The following LMO3 variants were observed in gnomAD, a reference collection of about 807,000 sequenced individuals.
LMO3 encodes the protein LIM domain only 3.
Under a neutral mutation model 15.8 loss-of-function variants are expected in LMO3, and 2 were observed. That is an observed-to-expected ratio of 0.13 (90% CI 0.05 to 0.40). The LOEUF is 0.40. Ranked by LOEUF, LMO3 falls within the 10% of genes least tolerant of loss-of-function variation. The pLI, the probability that LMO3 is intolerant of heterozygous loss-of-function variation, is 0.99. For synonymous variants in LMO3, 62 were observed against 63.8 expected (o/e 0.97, Z 0.13); for missense variants, 86 against 182.2 (o/e 0.47, Z 3.04).
intron 2 of LMO3, among the ~76,000 whole-genome samples, chr12:16,570,987 A>G (rs1173095703): frequency 6.6e-6 from 1 of 152,152 alleles, no homozygotes; most frequent in Admixed American, 6.5e-5. Context: ...TACATATGTA[A>G]CTAACCTGCA....
At chr12:16,556,244 T>A (rs1942184766) in intron 3 of LMO3, among the ~76,000 whole-genome samples, 2 of 152,112 alleles carry the variant, frequency 1.3e-5, no homozygotes, top group African/African-American at 4.8e-5. Flanking sequence ...CTTATTCACC[T>A]TTAAGAAATT....
In LMO3 at chr12:16,604,699, C is replaced by G; in HGVS notation, c.-9+1367G>C. On this transcript the variant is annotated intron_variant, in intron 1 of 3. Transcript: ENST00000537304. The surrounding 1 kb of genome is among the most constrained non-coding windows in gnomAD (Gnocchi z 5.3). ...AAGAATGTAGCAGTATTTGTTGCAT[C>G]TAGCAAGATTAATTGGTTTAAGCAG... The G allele has an allele frequency of 2.8e-6, 2 of 716,786 alleles. No homozygotes were observed. The highest frequency in any genetic ancestry group is 4.6e-6 in the Non-Finnish European group (2 of 430,678). The allele number at this position is 716,786 out of a possible 1,614,324, so 44.4% of individuals were successfully genotyped here.
rs1477262368 is a variant in LMO3 at position 16,582,829 on chromosome 12, C to T, written c.206+17826G>A. Among the ~76,000 whole-genome samples the T allele has an allele frequency of 1.2e-4, 19 of 152,118 alleles. No individual in the cohort carries two copies. Among genetic ancestry groups the T allele is most frequent in the Admixed American group, 1.2e-3 (19 of 15,268 alleles). On this transcript the variant is annotated intron_variant, in intron 2 of 3. Coordinates refer to ENST00000537304, the MANE Select transcript of LMO3 (RefSeq NM_018640.5). The surrounding 1 kb of genome is among the most constrained non-coding windows in gnomAD (Gnocchi z 4.1). ...TTGGGAGGCCAAATTGAGTGGATCA[C>T]CTGAGGTCAGGAGTTCGAGACCAGC...
chr12:16,582,543 T>C lies in LMO3; in HGVS notation c.206+18112A>G, dbSNP rs1378235668. ...CTGTGTAACACTTAATTGTGGATAC[T>C]ATGGAAGTGGCTAGATATACATTGC... On this transcript the variant is annotated intron_variant, in intron 2 of 3. Transcript: ENST00000537304. This position sits in a 1 kb window ranked among gnomAD's most constrained non-coding sequence, Gnocchi z 4.1. Among the ~76,000 whole-genome samples, 1 of 152,196 alleles carries C rather than the reference T, an allele frequency of 6.6e-6. No homozygotes were observed. Among genetic ancestry groups the C allele is most frequent in the African/African-American group, 2.4e-5 (1 of 41,448 alleles).
Position 16,603,607 on chromosome 12 carries a change from T to C in LMO3, c.-9+2459A>G, listed in dbSNP as rs1943895375. Among the ~76,000 whole-genome samples the C allele has an allele frequency of 1.3e-5, 2 of 152,182 alleles. No homozygotes were observed. Among genetic ancestry groups the C allele is most frequent in the Admixed American group, 6.5e-5 (1 of 15,280 alleles). On this transcript the variant is annotated intron_variant, in intron 1 of 3. Transcript: ENST00000537304. This position sits in a 1 kb window ranked among gnomAD's most constrained non-coding sequence, Gnocchi z 4.9. ...TTATTTGACAGTTTAAGGGAAATCA[T>C]AATTAAAAAAAAGACATAAATAATA...
At chr12:16,602,323 A>G (rs1379435324) in intron 1 of LMO3, 1 of 71,344 alleles carries the variant, frequency 1.4e-5, no homozygotes, top group Non-Finnish European at 5.6e-5. Flanking sequence ...CAACTTTCAC[A>G]ACCTTTTAAA....
intron 2 of LMO3, chr12:16,594,101 G>A (rs770907496): frequency 1.6e-5 from 25 of 1,526,926 alleles, no homozygotes; most frequent in Admixed American, 5.9e-5. Context: ...ATTAGCTGGC[G>A]TCAGGTGTTT....
In LMO3 at chr12:16,559,428, A is replaced by C. The variant is rs2137321928; in HGVS notation, c.332+985T>G. On this transcript the variant is annotated intron_variant, in intron 3 of 3. Transcript: ENST00000537304. This position sits in a 1 kb window ranked among gnomAD's most constrained non-coding sequence, Gnocchi z 4.1. ...CAGCTTCATATGTTACAAATGAAAA[A>C]CCTGAGGTCCAGAGAGGGAAGGTGT... Among the ~76,000 whole-genome samples the C allele has an allele frequency of 6.6e-6, 1 of 151,506 alleles. No individual in the cohort carries two copies. The highest frequency in any genetic ancestry group is 2.1e-4 in the South Asian group (1 of 4,818).
rs1051037345 is a variant in LMO3, at chr12:16,596,630, C to A, written c.206+4025G>T. 6.6e-6 allele frequency among the ~76,000 whole-genome samples: 1 copy of A among 151,602 alleles called. No homozygotes were observed. The highest frequency in any genetic ancestry group is 1.5e-5 in the Non-Finnish European group (1 of 67,664). On this transcript the variant is annotated intron_variant, in intron 2 of 3. Coordinates refer to ENST00000537304, the MANE Select transcript of LMO3 (RefSeq NM_018640.5). This position sits in a 1 kb window ranked among gnomAD's most constrained non-coding sequence, Gnocchi z 4.3. ...AAAAGAAAGTATTTTGGTATTTCTC[C>A]TAGTTCTATTTAATGCTTGCTGCAA...
At position 16,550,200 on chromosome 12, in the gene LMO3, A is replaced by G. The variant is rs1304788189; in HGVS notation, c.*1022T>C. The G allele has an allele frequency of 2.0e-5, 3 of 152,296 alleles. No homozygotes were observed. The highest frequency in any genetic ancestry group is 1.9e-4 in the East Asian group (1 of 5,178). The allele number at this position is 152,296 out of a possible 1,614,324, so 9.4% of individuals were successfully genotyped here. A position where few individuals can be genotyped will look rare whatever the true frequency, so the allele number is the denominator to read the frequency against. On this transcript the variant is annotated 3_prime_UTR_variant, in exon 4 of 4. Coordinates refer to ENST00000537304, the MANE Select transcript of LMO3 (RefSeq NM_018640.5). ...AGTGATTTCAGTAGATTCACACTCA[A>G]ATCTTTTCAGTGTCATACATTTATT...
In LMO3 at chr12:16,604,786, C is replaced by T. The variant is rs1372102041; in HGVS notation, c.-9+1280G>A. 9.5e-6 allele frequency: 14 copies of T among 1,466,950 alleles called. No individual in the cohort carries two copies. The highest frequency in any genetic ancestry group is 1.4e-5 in the African/African-American group (1 of 71,956). The allele number at this position is 1,466,950 out of a possible 1,614,324, so 90.9% of individuals were successfully genotyped here. On this transcript the variant is annotated intron_variant, in intron 1 of 3. Coordinates refer to ENST00000537304, the MANE Select transcript of LMO3 (RefSeq NM_018640.5). The surrounding 1 kb of genome is among the most constrained non-coding windows in gnomAD (Gnocchi z 5.3). ...TTCTTTCAGAAAGACACAAAAGCAG[C>T]GGAAAAGCAGAAAGGCTTTTGAGCG...
chr12:16,575,699 G>A (rs1468083008), intron 2 of LMO3, among the ~76,000 whole-genome samples: 3 of 152,224 alleles, frequency 2.0e-5, no homozygotes, highest in Admixed American at 2.0e-4. Flanking sequence ...AGCCATTTAG[G>A]ATTTCCCCTC....
At position 16,593,567 on chromosome 12, in the gene LMO3, T is replaced by C. The variant is rs1176744847; in HGVS notation, c.206+7088A>G. ...AAAAATACTGTTGAGAAGAAAAAGGTTTATCAAGAAGATTTCATAATACAG... is the reference window on the plus strand; with the variant it reads ...AAAAATACTGTTGAGAAGAAAAAGGCTTATCAAGAAGATTTCATAATACAG... On this transcript the variant is annotated intron_variant, in intron 2 of 3. Coordinates refer to ENST00000537304, the MANE Select transcript of LMO3 (RefSeq NM_018640.5). The surrounding 1 kb of genome is among the most constrained non-coding windows in gnomAD (Gnocchi z 4.2). Among the ~76,000 whole-genome samples the C allele has an allele frequency of 6.6e-6, 1 of 151,526 alleles. No homozygotes were observed. Among genetic ancestry groups the C allele is most frequent in the Non-Finnish European group, 1.5e-5 (1 of 67,712 alleles).
intron 1 of LMO3, chr12:16,605,023 C>T: frequency 6.4e-7 from 1 of 1,565,516 alleles, no homozygotes; most frequent in Non-Finnish European, 8.6e-7. Flanking sequence ...CGAGGACCGA[C>T]TATTGTGAAG....
chr12:16,565,385 A>T (rs1289917890), intron 2 of LMO3, among the ~76,000 whole-genome samples: 1 of 152,196 alleles, frequency 6.6e-6, no homozygotes, highest in African/African-American at 2.4e-5. Flanking sequence ...TAAGGAAGGT[A>T]GTGATAGAAA....
chr12:16,604,941 C>T lies in LMO3; in HGVS notation c.-9+1125G>A. ...CAGCAGCTTCGCATTGAGCACCAAA[C>T]CCAAAGGTAGAAGTAGAAGGGGGTC... On this transcript the variant is annotated intron_variant, in intron 1 of 3. Coordinates refer to ENST00000537304, the MANE Select transcript of LMO3 (RefSeq NM_018640.5). The surrounding 1 kb of genome is among the most constrained non-coding windows in gnomAD (Gnocchi z 5.3). 15 of 1,598,384 alleles carry T rather than the reference C, an allele frequency of 9.4e-6. No homozygotes were observed. Among genetic ancestry groups the T allele is most frequent in the Non-Finnish European group, 1.3e-5 (15 of 1,179,784 alleles).
At chr12:16,564,412 A>G (rs1444753998) in intron 2 of LMO3, among the ~76,000 whole-genome samples, 1 of 152,176 alleles carries the variant, frequency 6.6e-6, no homozygotes, top group East Asian at 1.9e-4. Context: ...AAGCAAGCAA[A>G]CTCTTTATGG....
Position 16,585,955 on chromosome 12 carries a change from C to T in LMO3, c.206+14700G>A, listed in dbSNP as rs532491620. ...TCTGGGCGACATTTCACCAGTGAGG[C>T]GGTAGGACATTGTGTGATACAGTAA... On this transcript the variant is annotated intron_variant, in intron 2 of 3. Transcript: ENST00000537304. The surrounding 1 kb of genome is among the most constrained non-coding windows in gnomAD (Gnocchi z 4.7). Among the ~76,000 whole-genome samples, 42 of 152,196 alleles carry T rather than the reference C, an allele frequency of 2.8e-4. No homozygotes were observed. Among genetic ancestry groups the T allele is most frequent in the African/African-American group, 5.8e-4 (24 of 41,530 alleles).
At chr12:16,605,415 C>T in intron 1 of LMO3, 1 of 1,183,168 alleles carries the variant, frequency 8.5e-7, no homozygotes, top group Non-Finnish European at 1.1e-6. Context: ...CTCTTCTAGC[C>T]ACTTCTGCCC....
Sources: gnomAD v4.1 joint callset for allele counts (sites outside exome capture counted in the v4.1 genomes callset) on GRCh38, gnomAD v4.1.1 for gene constraint, Gnocchi (gnomAD v3.1) non-coding constraint, MANE v1.5 for transcripts, NCBI Gene and HGNC (gene_info 2026-07-23, HGNC 2026-07-21) for gene names.